The following GPC6 variants were observed in gnomAD, a reference collection of about 807,000 sequenced individuals.
GPC6 encodes glypican 6.
GPC6 carries 14 observed loss-of-function variants against 55.2 expected under a neutral mutation model. The observed-to-expected ratio is 0.25, with a 90% CI of 0.17 to 0.40. GPC6 has a LOEUF of 0.40. Ranked by LOEUF, GPC6 falls within the 10% of genes least tolerant of loss-of-function variation. The pLI is 1.00. For missense variants in GPC6, 641 were observed against 708.5 expected (o/e 0.90, Z 1.08); for synonymous variants, 278 against 259.6 (o/e 1.07, Z -0.68).
At chr13:93,666,885 T>C (rs117226159) in intron 2 of GPC6, among the ~76,000 whole-genome samples, 3,564 of 152,300 alleles carry the variant, frequency 0.023, 59 homozygotes, top group Non-Finnish European at 0.037. Flanking sequence ...TATTTAACTG[T>C]GGAAATCGGA....
At position 94,271,394 on chromosome 13, in the gene GPC6, A is replaced by G. The variant is rs965400102; in HGVS notation, c.878-14955A>G. 2.6e-4 allele frequency among the ~76,000 whole-genome samples: 34 copies of G among 128,770 alleles called. No homozygotes were observed. The East Asian group carries it at 4.7e-3, about 18-fold the overall frequency. 84.5% of individuals were successfully genotyped at this position (128,770 alleles called of 152,430 possible). ...CGCGCGCGCGCGCGCACACACACAC[A>G]CACACACACACACACTCCATCATGC... On this transcript the variant is annotated intron_variant, in intron 4 of 8. Transcript: ENST00000377047.
intron 1 of GPC6, among the ~76,000 whole-genome samples, chr13:93,501,422 T>C (rs1463829230): frequency 6.6e-6 from 1 of 152,148 alleles, no homozygotes; most frequent in Non-Finnish European, 1.5e-5. Flanking sequence ...CCCATACGCT[T>C]ATTTCTAGAA....
At chr13:94,176,560 A>G (rs1356178809) in intron 4 of GPC6, among the ~76,000 whole-genome samples, 1 of 152,190 alleles carries the variant, frequency 6.6e-6, no homozygotes, top group Non-Finnish European at 1.5e-5. Flanking sequence ...TTCTTTTCAA[A>G]AAGAAGCCAA....
intron 3 of GPC6, among the ~76,000 whole-genome samples, chr13:93,946,536 T>C (rs532796464): frequency 6.6e-6 from 1 of 152,338 alleles, no homozygotes; most frequent in South Asian, 2.1e-4. Context: ...ATTTAACAAT[T>C]GGTATAAACA....
At chr13:93,430,345 T>A (rs1048037069) in intron 1 of GPC6, among the ~76,000 whole-genome samples, 1 of 152,112 alleles carries the variant, frequency 6.6e-6, no homozygotes, top group Non-Finnish European at 1.5e-5. Flanking sequence ...ATTAGCATGA[T>A]ATTAGTTTTG....
chr13:93,531,314 C>T (rs1186463134), intron 1 of GPC6, among the ~76,000 whole-genome samples: 4 of 151,684 alleles, frequency 2.6e-5, no homozygotes, highest in African/African-American at 9.7e-5. Context: ...GGAGAAAAGG[C>T]TTTATTTTAA....
Position 93,343,387 on chromosome 13 carries a change from T to C in GPC6, c.160+115771T>C, listed in dbSNP as rs557306222. Among the ~76,000 whole-genome samples, 12 of 152,276 alleles carry C rather than the reference T, an allele frequency of 7.9e-5. No individual in the cohort carries two copies. The East Asian group carries it at 1.7e-3, about 22-fold the overall frequency. ...CCAGAGACCATCGAGCCTGTGAGCATTGAAATTTCTTATTGCAAAGGCCCA... is the reference window on the plus strand; with the variant it reads ...CCAGAGACCATCGAGCCTGTGAGCACTGAAATTTCTTATTGCAAAGGCCCA... On this transcript the variant is annotated intron_variant, in intron 1 of 8. Transcript: ENST00000377047.
chr13:93,993,003 T>C (rs9524303), intron 3 of GPC6, among the ~76,000 whole-genome samples: 19,286 of 117,226 alleles, frequency 0.16, 1,448 homozygotes, highest in East Asian at 0.32. Context: ...TGATTTCTTT[T>C]TGACGGAAAC....
At chr13:93,250,128 CAG>C (rs1566540840) in intron 1 of GPC6, among the ~76,000 whole-genome samples, 1 of 152,182 alleles carries the variant, frequency 6.6e-6, no homozygotes, top group Non-Finnish European at 1.5e-5. Flanking sequence ...CATCTGTAAA[CAG>C]GGGTAATAGC....
intron 2 of GPC6, among the ~76,000 whole-genome samples, chr13:93,565,277 T>C (rs1048365475): frequency 5.3e-5 from 8 of 152,112 alleles, no homozygotes; most frequent in African/African-American, 1.7e-4. Context: ...ATGTACCTGC[T>C]CCACCTCAGC....
At chr13:93,797,677 G>A (rs781519607) in intron 2 of GPC6, among the ~76,000 whole-genome samples, 1 of 152,152 alleles carries the variant, frequency 6.6e-6, no homozygotes, top group African/African-American at 2.4e-5. Flanking sequence ...AGGAGAACGT[G>A]TGAAATAATG....
intron 4 of GPC6, among the ~76,000 whole-genome samples, chr13:94,083,334 G>A (rs571914710): frequency 1.6e-4 from 24 of 152,146 alleles, no homozygotes; most frequent in Non-Finnish European, 2.9e-4. Context: ...TAGCCAGGAT[G>A]GTCTCGATCT....
At chr13:93,639,685 G>A (rs913826323) in intron 2 of GPC6, among the ~76,000 whole-genome samples, 1 of 152,066 alleles carries the variant, frequency 6.6e-6, no homozygotes, top group Admixed American at 6.6e-5. Flanking sequence ...AGTCAAGGAT[G>A]ATGCCAAGTT....
At chr13:93,217,277 G>A in the GPC6 span, among the ~76,000 whole-genome samples, 1 of 152,180 alleles carries the variant, frequency 6.6e-6, no homozygotes, top group Non-Finnish European at 1.5e-5. Context: ...TAAAGGAAAA[G>A]CCAAATAGTT....
chr13:93,927,044 T>C (rs1877896726), intron 3 of GPC6, among the ~76,000 whole-genome samples: 1 of 152,186 alleles, frequency 6.6e-6, no homozygotes, highest in Non-Finnish European at 1.5e-5. Context: ...CACCTTCACC[T>C]GGAGCAAAAT....
At chr13:93,219,672 C>G in the GPC6 span, among the ~76,000 whole-genome samples, 9 of 152,038 alleles carry the variant, frequency 5.9e-5, no homozygotes, top group Non-Finnish European at 1.2e-4. Flanking sequence ...TAGAAAACTT[C>G]TCAAATTAAA....
intron 3 of GPC6, among the ~76,000 whole-genome samples, chr13:93,991,574 T>C (rs532185470): frequency 6.6e-6 from 1 of 152,204 alleles, no homozygotes; most frequent in Non-Finnish European, 1.5e-5. Context: ...AATTGACTTA[T>C]AGGAAGTTCC....
chr13:94,028,712 G>A (rs558364731), intron 4 of GPC6, among the ~76,000 whole-genome samples: 2 of 152,164 alleles, frequency 1.3e-5, no homozygotes, highest in Non-Finnish European at 2.9e-5. Flanking sequence ...CCAGTCTCTA[G>A]AGGGCAGGAG....
At chr13:93,917,726 C>T (rs556423022) in intron 3 of GPC6, among the ~76,000 whole-genome samples, 21 of 152,256 alleles carry the variant, frequency 1.4e-4, no homozygotes, top group Middle Eastern at 3.4e-3. Context: ...GGTGTGGGTG[C>T]GACCCCAGCC....
Sources: allele counts gnomAD v4.1 joint callset (sites outside exome capture counted in the v4.1 genomes callset), GRCh38; gene constraint gnomAD v4.1.1; transcripts MANE v1.5; gene names NCBI Gene and HGNC (gene_info 2026-07-23, HGNC 2026-07-21).